The following PDZRN4 variants were observed in gnomAD, a reference collection of about 807,000 sequenced individuals.
PDZRN4 encodes the protein PDZ domain containing ring finger 4, also known as PDZ domain-containing RING finger protein 4.
In PDZRN4, 70 loss-of-function variants were observed where a neutral mutation model predicts 99.0. That is an observed-to-expected ratio of 0.71 (90% CI 0.58 to 0.86). PDZRN4 has a LOEUF of 0.86. Among genes scored for constraint, PDZRN4 ranks in the 40% least tolerant of loss-of-function variants. The pLI, the probability that PDZRN4 is intolerant of heterozygous loss-of-function variation, is 0.00. For synonymous variants in PDZRN4, 551 were observed against 501.6 expected, an observed-to-expected ratio of 1.10 and a Z score of -1.32; for missense variants, 1,474 against 1,331.2, an observed-to-expected ratio of 1.11 and a Z score of -1.67.
At chr12:41,341,701 A>AACAC (rs906334124) in intron 3 of PDZRN4, among the ~76,000 whole-genome samples, 1 of 151,862 alleles carries the variant, frequency 6.6e-6, no homozygotes, top group Non-Finnish European at 1.5e-5. Context: ...AATTGAAGAA[A>AACAC]ACACAAATAA....
At chr12:41,412,315 G>C (rs1952406211) in intron 3 of PDZRN4, 1 of 152,174 alleles carries the variant, frequency 6.6e-6, no homozygotes, top group Admixed American at 6.5e-5. Context: ...AGGAGAAAAG[G>C]GTGATGATGA....
At chr12:41,200,679 A>G (rs906904101) in intron 3 of PDZRN4, among the ~76,000 whole-genome samples, 1 of 152,070 alleles carries the variant, frequency 6.6e-6, no homozygotes, top group Admixed American at 6.6e-5. Context: ...ATTTTGATTC[A>G]TTTTAATTTG....
At chr12:41,455,777 G>A (rs573345720) in intron 3 of PDZRN4, among the ~76,000 whole-genome samples, 1 of 152,264 alleles carries the variant, frequency 6.6e-6, no homozygotes, top group South Asian at 2.1e-4. Context: ...ACCATAAGAT[G>A]TGTGTACTTC....
chr12:41,216,326 G>T (rs1950920578), intron 3 of PDZRN4, among the ~76,000 whole-genome samples: 1 of 151,968 alleles, frequency 6.6e-6, no homozygotes, highest in Non-Finnish European at 1.5e-5. Flanking sequence ...GCCATTAACA[G>T]GATAGAAGGT....
chr12:41,562,293 G>T (rs1939283255), intron 7 of PDZRN4, among the ~76,000 whole-genome samples: 1 of 152,086 alleles, frequency 6.6e-6, no homozygotes, highest in Non-Finnish European at 1.5e-5. Context: ...GTGGTTCAAG[G>T]TTGAAATTCA....
At chr12:41,381,002 G>A (rs1393505456) in intron 3 of PDZRN4, among the ~76,000 whole-genome samples, 1 of 152,040 alleles carries the variant, frequency 6.6e-6, no homozygotes, top group Non-Finnish European at 1.5e-5. Flanking sequence ...GTATAGTATG[G>A]TTGACTGGAA....
chr12:41,439,935 A>G (rs1395518215), intron 3 of PDZRN4, among the ~76,000 whole-genome samples: 1 of 152,148 alleles, frequency 6.6e-6, no homozygotes, highest in African/African-American at 2.4e-5. Flanking sequence ...AATAGATAAG[A>G]TATCAAAGGA....
chr12:41,241,763 G>C (rs1242352072), intron 3 of PDZRN4, among the ~76,000 whole-genome samples: 1 of 152,008 alleles, frequency 6.6e-6, no homozygotes, highest in African/African-American at 2.4e-5. Flanking sequence ...AGTATTCATG[G>C]TTTTATTATG....
intron 5 of PDZRN4, among the ~76,000 whole-genome samples, chr12:41,511,429 C>A (rs981777386): frequency 3.9e-5 from 6 of 151,984 alleles, no homozygotes; most frequent in African/African-American, 9.7e-5. Flanking sequence ...CTCAGACAAG[C>A]TCTCTGTAGC....
At chr12:41,475,873 G>T (rs548802772) in intron 3 of PDZRN4, among the ~76,000 whole-genome samples, 1 of 151,910 alleles carries the variant, frequency 6.6e-6, no homozygotes, top group African/African-American at 2.4e-5. Flanking sequence ...TTTGACCTCC[G>T]GGAGTAAATG....
At chr12:41,493,106 T>C (rs1274300037) in intron 3 of PDZRN4, among the ~76,000 whole-genome samples, 2 of 152,226 alleles carry the variant, frequency 1.3e-5, no homozygotes, top group African/African-American at 4.8e-5. Flanking sequence ...CTAGTACTTT[T>C]AATTAAAATT....
chr12:41,251,334 T>C (rs1265646038), intron 3 of PDZRN4, among the ~76,000 whole-genome samples: 1 of 152,176 alleles, frequency 6.6e-6, no homozygotes, highest in Non-Finnish European at 1.5e-5. Flanking sequence ...TCTGCTGCCA[T>C]GGGCTTCATC....
chr12:41,276,395 C>A (rs117903281), intron 3 of PDZRN4, among the ~76,000 whole-genome samples: 4 of 151,940 alleles, frequency 2.6e-5, no homozygotes, highest in Non-Finnish European at 4.4e-5. Flanking sequence ...AGCAGTTTAA[C>A]GAGTAGACCC....
chr12:41,503,258 A>G (rs1223456293), intron 3 of PDZRN4, among the ~76,000 whole-genome samples: 1 of 152,196 alleles, frequency 6.6e-6, no homozygotes, highest in African/African-American at 2.4e-5. Flanking sequence ...GGTCAGCTGC[A>G]TGATAACTGG....
chr12:41,325,300 T>G (rs1951702312), intron 3 of PDZRN4, among the ~76,000 whole-genome samples: 1 of 152,198 alleles, frequency 6.6e-6, no homozygotes, highest in Admixed American at 6.5e-5. Flanking sequence ...TCTATGAAAG[T>G]TGTTTGTACC....
At chr12:41,294,487 G>A (rs560391745) in intron 3 of PDZRN4, among the ~76,000 whole-genome samples, 10 of 152,218 alleles carry the variant, frequency 6.6e-5, no homozygotes, top group East Asian at 5.8e-4. Flanking sequence ...TGAAAACTGC[G>A]AGGACTTTAT....
intron 5 of PDZRN4, 69 bp from the exon 6 acceptor site, chr12:41,552,587 G>C (rs945341910): frequency 5.9e-6 from 7 of 1,187,132 alleles, no homozygotes; most frequent in Admixed American, 1.7e-5. Flanking sequence ...AAGAATATCA[G>C]TGAGTTCTCC....
At chr12:41,220,746 A>G (rs1478113638) in intron 3 of PDZRN4, among the ~76,000 whole-genome samples, 7 of 152,216 alleles carry the variant, frequency 4.6e-5, no homozygotes, top group African/African-American at 9.6e-5. Context: ...TAAACCAGGC[A>G]ATTCAGAAAA....
At chr12:41,361,315 G>A (rs1365797452) in intron 3 of PDZRN4, among the ~76,000 whole-genome samples, 1 of 151,962 alleles carries the variant, frequency 6.6e-6, no homozygotes, top group Non-Finnish European at 1.5e-5. Flanking sequence ...AAATATATTT[G>A]GAAGGTTTCC....
Sources: allele counts gnomAD v4.1 joint callset (sites outside exome capture counted in the v4.1 genomes callset), GRCh38; gene constraint gnomAD v4.1.1; transcripts MANE v1.5; gene names NCBI Gene and HGNC (gene_info 2026-07-23, HGNC 2026-07-21).